DGAT1: variants seen among roughly 807,000 people sequenced by gnomAD.
DGAT1 encodes ACAT related gene product 1.
Under a neutral mutation model 72.6 loss-of-function variants are expected in DGAT1, and 60 were observed. That is an observed-to-expected ratio of 0.83 (90% CI 0.67 to 1.02). DGAT1 has a LOEUF of 1.02. Among genes scored for constraint, DGAT1 ranks in the 50% least tolerant of loss-of-function variants. The probability of loss-of-function intolerance (pLI) is 0.00; values close to 1 mark genes in which losing one functional copy is unlikely to be tolerated. For synonymous variants in DGAT1, 290 were observed against 267.5 expected, an observed-to-expected ratio of 1.08 and a Z score of -0.82; for missense variants, 592 against 670.0, an observed-to-expected ratio of 0.88 and a Z score of 1.29.
chr8:144,317,553 C>T lies in DGAT1; in HGVS notation c.972G>A (p.Leu324=), dbSNP rs782505413. Residue 324 remains leucine (L), a synonymous_variant, in exon 12 of 17, where the codon CTG becomes CTA. Coordinates refer to ENST00000528718, the MANE Select transcript of DGAT1 (RefSeq NM_012079.6). ...MDYSRIIERL[L]KLAVPNHLIW... Reference sequence around the variant, plus strand: ...ACCTGTCCGCACTCACCGCCAGCTTCAGGAGGCGCTCGATGATGCGTGAGT... The same window carrying T: ...ACCTGTCCGCACTCACCGCCAGCTTTAGGAGGCGCTCGATGATGCGTGAGT... 4.3e-6 allele frequency: 7 copies of T among 1,613,814 alleles called. No individual in the cohort carries two copies. The African/African-American group carries it at 8.0e-5, about 18-fold the overall frequency.
rs1242097045 is a variant in DGAT1 at position 144,317,903 on chromosome 8, C to T, written c.855+11G>A. On this transcript the variant is annotated intron_variant, in intron 9 of 16. Transcript: ENST00000528718. ...TAGCCTCCAGTGGCTGCCCCCAGCC[C>T]CCAACCTCACCATCTCAAGGATCCG... is the stretch of plus-strand genomic sequence containing the variant. The T allele has an allele frequency of 6.5e-6, 10 of 1,529,180 alleles. No individual in the cohort carries two copies. Among genetic ancestry groups the T allele is most frequent in the Non-Finnish European group, 8.8e-6 (10 of 1,140,276 alleles). The allele number at this position is 1,529,180 out of a possible 1,614,324, so 94.7% of individuals were successfully genotyped here. A position where few individuals can be genotyped will look rare whatever the true frequency, so the allele number is the denominator to read the frequency against.
At chr8:144,320,316 G>A (rs1473261083) in intron 2 of DGAT1, among the ~76,000 whole-genome samples, 1 of 152,222 alleles carries the variant, frequency 6.6e-6, no homozygotes, top group Non-Finnish European at 1.5e-5. Context: ...CCTGGGCCAG[G>A]AATGGGCTGC....
At chr8:144,326,307 G>A (rs782280007) in intron 1 of DGAT1, 130 bp downstream of exon 1, 5 of 861,436 alleles carry the variant, frequency 5.8e-6, no homozygotes, top group Non-Finnish European at 7.8e-6. Context: ...TCCCCACAGG[G>A]CCCATAGGGC....
chr8:144,315,050 G>C lies in DGAT1; in HGVS notation c.*1504C>G, dbSNP rs1341714806. 2.0e-6 allele frequency: 2 copies of C among 985,470 alleles called. No individual in the cohort carries two copies. Among genetic ancestry groups the C allele is most frequent in the East Asian group, 2.3e-4 (2 of 8,822 alleles). 61.0% of individuals were successfully genotyped at this position (985,470 alleles called of 1,614,324 possible). A position where few individuals can be genotyped will look rare whatever the true frequency, so the allele number is the denominator to read the frequency against. On this transcript the variant is annotated 3_prime_UTR_variant, in exon 17 of 17. Transcript: ENST00000528718. ...TCTGCCAGAGCCAGCACCCTGTGTA[G>C]GCACGGGGAACGGGAGCCTGTCCCG...
In DGAT1 at chr8:144,318,327, G is replaced by A. The variant is rs782559118; in HGVS notation, c.610C>T (p.Leu204Phe). The change falls in exon 7 of 17, where the codon CTC becomes TTC. Residue 204 changes from leucine (L) to phenylalanine (F), a missense_variant. By Grantham distance (22) the Leu-to-Phe change is conservative. Coordinates refer to ENST00000528718, the MANE Select transcript of DGAT1 (RefSeq NM_012079.6). ...SLLALMAHTILFLKLFSYRDV... is the reference protein window; with the variant it reads ...SLLALMAHTIFFLKLFSYRDV... Reference sequence around the variant, plus strand: ...CGGTAGGAGAAGAGCTTGAGGAAGAGGATGGTGTGCGCCATCAGCGCCAGC... The same window carrying A: ...CGGTAGGAGAAGAGCTTGAGGAAGAAGATGGTGTGCGCCATCAGCGCCAGC... The A allele has an allele frequency of 4.4e-5, 71 of 1,612,526 alleles. No individual in the cohort carries two copies. In the Middle Eastern group the frequency reaches 1.5e-3, roughly 34 times the overall value.
At chr8:144,323,320 A>C (rs1053701159) in intron 1 of DGAT1, among the ~76,000 whole-genome samples, 14 of 152,214 alleles carry the variant, frequency 9.2e-5, no homozygotes, top group East Asian at 1.9e-4. Context: ...GGGCCCCTTG[A>C]CAGGCTTCCA....
rs1341828948 is a variant in DGAT1, at chr8:144,317,674, G to A, written c.933C>T (p.Phe311=). 6.2e-7 allele frequency: 1 copy of A among 1,613,656 alleles called. No individual in the cohort carries two copies. The highest frequency in any genetic ancestry group is 1.3e-5 in the African/African-American group (1 of 74,918). The change falls in exon 11 of 17, where the codon TTC becomes TTT. Residue 311 remains phenylalanine, a synonymous_variant. Transcript: ENST00000528718. ...CAAGAGCACCTGAGCCACTCACCTT[G>A]AAGGGCTTCATGGAGTTCTGGATGG... ...VPTIQNSMKP[F]KDMDYSRIIE... is the part of the protein sequence containing the mutation.
Position 144,315,065 on chromosome 8 carries a change from A to T in DGAT1, c.*1489T>A. On this transcript the variant is annotated 3_prime_UTR_variant, in exon 17 of 17. Coordinates refer to ENST00000528718, the MANE Select transcript of DGAT1 (RefSeq NM_012079.6). ...ACCCTGTGTAGGCACGGGGAACGGG[A>T]GCCTGTCCCGTAGCTTTAGGGTTCT... 1 of 985,218 alleles carries T rather than the reference A, an allele frequency of 1.0e-6. No individual in the cohort carries two copies. Among genetic ancestry groups the T allele is most frequent in the Non-Finnish European group, 1.2e-6 (1 of 829,942 alleles). 61.0% of individuals were successfully genotyped at this position (985,218 alleles called of 1,614,324 possible).
chr8:144,325,387 G>T (rs1817572860), intron 1 of DGAT1, among the ~76,000 whole-genome samples: 1 of 152,162 alleles, frequency 6.6e-6, no homozygotes, highest in South Asian at 2.1e-4. Context: ...GACAGTGCCT[G>T]CCCTCCCCCA....
chr8:144,326,300 C>T, intron 1 of DGAT1, 137 bp downstream of exon 1: 2 of 830,678 alleles, frequency 2.4e-6, no homozygotes, highest in Non-Finnish European at 3.3e-6. Flanking sequence ...CTCAGTTTCC[C>T]CACAGGGCCC....
chr8:144,326,316 G>A (rs1817591369), intron 1 of DGAT1, 121 bp downstream of exon 1: 3 of 957,034 alleles, frequency 3.1e-6, no homozygotes, highest in African/African-American at 1.7e-5. Flanking sequence ...GGCCCATAGG[G>A]CACACCGATC....
chr8:144,315,228 G>A lies in DGAT1; in HGVS notation c.*1326C>T. 1 of 985,556 alleles carries A rather than the reference G, an allele frequency of 1.0e-6. No individual in the cohort carries two copies. Among genetic ancestry groups the A allele is most frequent in the Non-Finnish European group, 1.2e-6 (1 of 830,020 alleles). 61.1% of individuals were successfully genotyped at this position (985,556 alleles called of 1,614,324 possible). ...GGGAGAGGCACAGGAGCCCATGTGG[G>A]ATGGAGGAGTCGGCCCCACACCCAT... is the stretch of plus-strand genomic sequence containing the variant. On this transcript the variant is annotated 3_prime_UTR_variant, in exon 17 of 17. Coordinates refer to ENST00000528718, the MANE Select transcript of DGAT1 (RefSeq NM_012079.6).
Position 144,318,249 on chromosome 8 carries a change from GC to G in DGAT1, c.676+11del, listed in dbSNP as rs2130519896. ...CCCCAGCAGGCAGCCCCAGCCCCTG[GC>G]AGCCCCTCACCAGCCTTGGCCCTGG... is the stretch of plus-strand genomic sequence containing the variant. On this transcript the variant is annotated intron_variant, in intron 7 of 16. Transcript: ENST00000528718. 6.2e-7 allele frequency: 1 copy of G among 1,612,220 alleles called. No homozygotes were observed. Among genetic ancestry groups the G allele is most frequent in the Non-Finnish European group, 8.5e-7 (1 of 1,179,592 alleles).
intron 4 of DGAT1, 27 bp downstream of exon 4, chr8:144,318,808 C>T (rs782505040): frequency 1.9e-5 from 31 of 1,608,270 alleles, no homozygotes; most frequent in East Asian, 1.1e-4. Context: ...GATCCCCACC[C>T]GAGGCCCTCC....
In DGAT1 at chr8:144,316,480, G is replaced by T. The variant is rs1203363779; in HGVS notation, c.*74C>A. The T allele has an allele frequency of 6.7e-7, 1 of 1,489,734 alleles. No homozygotes were observed. Among genetic ancestry groups the T allele is most frequent in the Non-Finnish European group, 9.0e-7 (1 of 1,115,144 alleles). The allele number at this position is 1,489,734 out of a possible 1,614,324, so 92.3% of individuals were successfully genotyped here. ...GCAGCCAGGCCCATCCCCAGCACTCGAGGCCTAGGAGGAGAGGTGGGCTCT... is the reference window on the plus strand; with the variant it reads ...GCAGCCAGGCCCATCCCCAGCACTCTAGGCCTAGGAGGAGAGGTGGGCTCT... On this transcript the variant is annotated 3_prime_UTR_variant, in exon 17 of 17. Transcript: ENST00000528718.
rs191891262 is a variant in DGAT1, at chr8:144,314,714, T to C, written c.*1840A>G. ...GGCAGAGATCTATAAACAGACAGGC[T>C]CTATGCTATGGCCTCCATGTGTTTC... is the stretch of plus-strand genomic sequence containing the variant. On this transcript the variant is annotated 3_prime_UTR_variant, in exon 17 of 17. Transcript: ENST00000528718. 6 of 245,236 alleles carry C rather than the reference T, an allele frequency of 2.4e-5. No individual in the cohort carries two copies. Among genetic ancestry groups the C allele is most frequent in the Non-Finnish European group, 4.0e-5 (5 of 125,538 alleles). The allele number at this position is 245,236 out of a possible 1,614,324, so 15.2% of individuals were successfully genotyped here.
At chr8:144,317,857 C>T (rs1817300036) in intron 9 of DGAT1, 35 bp from the exon 10 acceptor site, 6 of 1,596,556 alleles carry the variant, frequency 3.8e-6, no homozygotes, top group Non-Finnish European at 5.1e-6. Context: ...AGCTGAGGCC[C>T]TGGCTAGCCA....
chr8:144,326,644 G>T lies in DGAT1; in HGVS notation c.-8C>A. ...GCTGCCGCGGTCGCCCATGGCCTCA[G>T]CCCGCACCCGGCCGCAGCCAAGCGT... On this transcript the variant is annotated 5_prime_UTR_variant, in exon 1 of 17. The change creates a new upstream start codon in the 5' untranslated region. Transcript: ENST00000528718. 8.4e-7 allele frequency: 1 copy of T among 1,192,838 alleles called. No homozygotes were observed. Among genetic ancestry groups the T allele is most frequent in the Non-Finnish European group, 1.0e-6 (1 of 962,110 alleles). 73.9% of individuals were successfully genotyped at this position (1,192,838 alleles called of 1,614,324 possible).
intron 1 of DGAT1, among the ~76,000 whole-genome samples, chr8:144,324,280 G>A (rs543813291): frequency 1.3e-5 from 2 of 152,092 alleles, no homozygotes; most frequent in Non-Finnish European, 2.9e-5. Context: ...AAGCGGGAGA[G>A]GAAAGGCTGG....
Sources: gnomAD v4.1 joint callset for allele counts (sites outside exome capture counted in the v4.1 genomes callset) on GRCh38, gnomAD v4.1.1 for gene constraint, MANE v1.5 for transcripts, NCBI Gene and HGNC (gene_info 2026-07-23, HGNC 2026-07-21) for gene names.